The following DAB1 variants were observed in gnomAD, a reference collection of about 807,000 sequenced individuals.
DAB1 encodes the protein DAB adaptor protein 1, also known as disabled homolog 1.
A neutral mutation model predicts 64.6 loss-of-function variants in DAB1; 15 were observed. The observed-to-expected ratio is 0.23, with a 90% CI of 0.16 to 0.36. The LOEUF is 0.36. DAB1 is among the 10% of genes least tolerant of loss of function. DAB1 has a pLI of 1.00. For missense variants in DAB1, 596 were observed against 706.7 expected (o/e 0.84, Z 1.78); for synonymous variants, 235 against 251.9 (o/e 0.93, Z 0.64).
In DAB1 at chr1:58,068,659, G is replaced by A. The variant is rs553712532; in HGVS notation, n.387+81852C>T. 5.9e-5 allele frequency among the ~76,000 whole-genome samples: 9 copies of A among 151,682 alleles called. No individual in the cohort carries two copies. The South Asian group carries it at 1.0e-3, about 18-fold the overall frequency. On this transcript the variant is annotated intron_variant and non_coding_transcript_variant, in intron 5 of 20. Coordinates refer to the DAB1 transcript ENST00000485760. Reference sequence around the variant, plus strand: ...TGGGGGCCTGTAGTCCCAGCTACTCGGGAGGCTGAGGCAGGATAATGGCGT... The same window carrying A: ...TGGGGGCCTGTAGTCCCAGCTACTCAGGAGGCTGAGGCAGGATAATGGCGT...
At chr1:57,621,013 G>A (rs930551352) in intron 7 of DAB1, among the ~76,000 whole-genome samples, 1 of 151,158 alleles carries the variant, frequency 6.6e-6, no homozygotes, top group African/African-American at 2.4e-5. Context: ...TTGTGTCTGG[G>A]TGTGTGTGTG....
chr1:58,141,379 A>G (rs1365222114), intron 5 of DAB1, among the ~76,000 whole-genome samples: 2 of 152,142 alleles, frequency 1.3e-5, no homozygotes, highest in Non-Finnish European at 2.9e-5. Context: ...CTTATTCACT[A>G]TCACGAGAAC....
intron 2 of DAB1, among the ~76,000 whole-genome samples, chr1:57,163,741 G>A (rs897917710): frequency 2.2e-4 from 33 of 152,102 alleles, no homozygotes; most frequent in Non-Finnish European, 3.2e-4. Flanking sequence ...TATGCTGGAG[G>A]AAGAGCAGAA....
chr1:58,049,916 A>C (rs890504161), intron 5 of DAB1, among the ~76,000 whole-genome samples: 7 of 151,794 alleles, frequency 4.6e-5, no homozygotes, highest in Non-Finnish European at 7.4e-5. Flanking sequence ...ATTTTGAAAA[A>C]ACCATTAGTG....
intron 6 of DAB1, among the ~76,000 whole-genome samples, chr1:57,662,467 A>G (rs1382826626): frequency 6.6e-6 from 1 of 152,204 alleles, no homozygotes; most frequent in East Asian, 1.9e-4. Context: ...AAGTGATGGG[A>G]TTACAGGCGT....
intron 5 of DAB1, among the ~76,000 whole-genome samples, chr1:57,917,227 T>C (rs1194211566): frequency 6.6e-6 from 1 of 152,186 alleles, no homozygotes; most frequent in African/African-American, 2.4e-5. Context: ...CTGCCAGATA[T>C]AAGGGCCTAG....
intron 1 of DAB1, among the ~76,000 whole-genome samples, chr1:57,405,674 T>A (rs986428461): frequency 6.6e-6 from 1 of 152,218 alleles, no homozygotes; most frequent in Non-Finnish European, 1.5e-5. Context: ...CAGATGAACC[T>A]TAACAGCGGT....
intron 5 of DAB1, among the ~76,000 whole-genome samples, chr1:58,124,840 C>A (rs944136889): frequency 6.6e-6 from 1 of 152,116 alleles, no homozygotes; most frequent in Non-Finnish European, 1.5e-5. Context: ...TAAGTGAGAT[C>A]ACACACATAA....
intron 5 of DAB1, among the ~76,000 whole-genome samples, chr1:57,973,447 C>A (rs1645845614): frequency 6.6e-6 from 1 of 152,170 alleles, no homozygotes; most frequent in Non-Finnish European, 1.5e-5. Flanking sequence ...ACAGATGCTG[C>A]AGGAAGCTAA....
intron 7 of DAB1, chr1:57,605,820 A>G: frequency 2.1e-6 from 1 of 486,810 alleles, no homozygotes. Context: ...TTAAACAACC[A>G]GTAATCAATT....
intron 2 of DAB1, among the ~76,000 whole-genome samples, chr1:57,198,649 T>TCACACACACACACACA (rs57872654): frequency 2.3e-5 from 3 of 128,332 alleles, no homozygotes; most frequent in East Asian, 2.2e-4. Flanking sequence ...CTTCTCTCTC[T>TCACACACACACACACA]CACACACACA....
intron 7 of DAB1, among the ~76,000 whole-genome samples, chr1:57,639,188 A>G (rs890603816): frequency 4.6e-5 from 6 of 130,160 alleles, no homozygotes; most frequent in Admixed American, 1.6e-4. Flanking sequence ...ATAACTTTAT[A>G]AAGTTCTTCA....
chr1:58,318,855 C>T (rs372957715), intron 4 of DAB1, among the ~76,000 whole-genome samples: 5 of 152,138 alleles, frequency 3.3e-5, no homozygotes, highest in African/African-American at 4.8e-5. Flanking sequence ...GTCCCCTTTC[C>T]GAGGTGCCGA....
At chr1:57,006,608 C>G (rs1646078433) in intron 14 of DAB1, among the ~76,000 whole-genome samples, 1 of 152,180 alleles carries the variant, frequency 6.6e-6, no homozygotes, top group Non-Finnish European at 1.5e-5. Flanking sequence ...AGGACCTCGA[C>G]AGGGAGTCTG....
chr1:58,487,600 G>C (rs1645597267), intron 3 of DAB1, among the ~76,000 whole-genome samples: 1 of 151,990 alleles, frequency 6.6e-6, no homozygotes, highest in African/African-American at 2.4e-5. Context: ...TCAGGGCTAG[G>C]CGTCCTTTTC....
intron 1 of DAB1, among the ~76,000 whole-genome samples, chr1:57,863,590 T>G (rs908853229): frequency 6.6e-6 from 1 of 152,112 alleles, no homozygotes; most frequent in Admixed American, 6.6e-5. Context: ...GTGTTGGTAA[T>G]GAATGCCACA....
At chr1:58,052,941 T>C (rs1257090291) in intron 5 of DAB1, among the ~76,000 whole-genome samples, 3 of 152,200 alleles carry the variant, frequency 2.0e-5, no homozygotes, top group African/African-American at 7.2e-5. Context: ...TTAGGCTGCT[T>C]CCACTCATTA....
In DAB1 at chr1:57,480,491, C is replaced by CTT. The variant is rs150899061; in HGVS notation, n.625+169099_625+169100dup. ...ATTTCATCATAATTAGTGTAATTTT[C>CTT]TTTTTTTTTTTGAGACAGAGTCTCG... On this transcript the variant is annotated intron_variant and non_coding_transcript_variant, in intron 7 of 20. Transcript: ENST00000485760. 9.2e-3 allele frequency among the ~76,000 whole-genome samples: 1,347 copies of CTT among 146,866 alleles called. 37 individuals are homozygous for CTT. The East Asian group carries it at 0.13, about 14-fold the overall frequency.
intron 7 of DAB1, among the ~76,000 whole-genome samples, chr1:57,565,963 C>G (rs1163010992): frequency 1.3e-5 from 2 of 152,228 alleles, no homozygotes; most frequent in Non-Finnish European, 2.9e-5. Flanking sequence ...CCCAAATCAA[C>G]AGAATATACA....
Sources: gnomAD v4.1 joint callset for allele counts (sites outside exome capture counted in the v4.1 genomes callset) on GRCh38, gnomAD v4.1.1 for gene constraint, MANE v1.5 for transcripts, NCBI Gene and HGNC (gene_info 2026-07-23, HGNC 2026-07-21) for gene names.